Variants in ACACB observed in about 807,000 individuals in gnomAD.
ACACB encodes acetyl-CoA carboxylase 2.
Under a neutral mutation model 278.8 loss-of-function variants are expected in ACACB, and 209 were observed. That is an observed-to-expected ratio of 0.75 (90% confidence interval 0.67 to 0.84). The LOEUF (loss-of-function observed/expected upper bound fraction) is 0.84, where lower values mean the gene tolerates loss of function less well. Ranked by LOEUF, ACACB falls within the 40% of genes least tolerant of loss-of-function variation. ACACB has a pLI of 0.00. For missense variants in ACACB, 2,850 were observed against 3,269.0 expected (o/e 0.87, Z 3.13); for synonymous variants, 1,174 against 1,285.6 (o/e 0.91, Z 1.86).
rs1487862492 is a variant in ACACB, at chr12:109,139,401, T to C, written c.-5T>C. On this transcript the variant is annotated 5_prime_UTR_variant, in exon 2 of 53. Coordinates refer to ENST00000338432, the MANE Select transcript of ACACB (RefSeq NM_001093.4). Reference sequence around the variant, plus strand: ...TCTCTCCTTTTCTCCTTACAGATTTTCTGAATGGTCTTGCTTCTTTGTCTA... The same window carrying C: ...TCTCTCCTTTTCTCCTTACAGATTTCCTGAATGGTCTTGCTTCTTTGTCTA... The C allele has an allele frequency of 1.9e-6, 3 of 1,605,382 alleles. No individual in the cohort carries two copies. The highest frequency in any genetic ancestry group is 2.6e-6 in the Non-Finnish European group (3 of 1,175,360).
In ACACB at chr12:109,237,347, C is replaced by T. The variant is rs201539934; in HGVS notation, c.4629C>T (p.Arg1543=). ...VEVTDHRFFI[R]AIIRHSDLIT... is the part of the protein sequence containing the mutation. ...TGACGGACCATAGGTTCTTCATCCGCGCCATCATCAGGCACTCTGACCTGA... is the reference window on the plus strand; with the variant it reads ...TGACGGACCATAGGTTCTTCATCCGTGCCATCATCAGGCACTCTGACCTGA... The change falls in exon 34 of 53, where the codon CGC becomes CGT. Residue 1543 remains arginine, a synonymous_variant. Coordinates refer to ENST00000338432, the MANE Select transcript of ACACB (RefSeq NM_001093.4). 4.3e-6 allele frequency: 7 copies of T among 1,614,184 alleles called. No individual in the cohort carries two copies. The highest frequency in any genetic ancestry group is 2.2e-5 in the East Asian group (1 of 44,888).
chr12:109,194,513 T>TGC (rs2045033224), intron 16 of ACACB, among the ~76,000 whole-genome samples: 1 of 17,166 alleles, frequency 5.8e-5, no homozygotes, highest in African/African-American at 3.1e-4. Context: ...TGTGTGTGCA[T>TGC]GTGTGTGTGT....
intron 46 of ACACB, among the ~76,000 whole-genome samples, chr12:109,258,689 G>A (rs1210866007): frequency 3.3e-5 from 5 of 152,208 alleles, no homozygotes; most frequent in South Asian, 2.1e-4. Context: ...AGAGGGCTGG[G>A]TTCCAGGGCC....
chr12:109,171,013 A>ATTTTTTT (rs59371391), intron 4 of ACACB, among the ~76,000 whole-genome samples: 9 of 106,530 alleles, frequency 8.4e-5, no homozygotes, highest in Non-Finnish European at 1.3e-4. Context: ...CTTTTTTTGG[A>ATTTTTTT]TTTTTTTTTT....
At position 109,239,856 on chromosome 12, in the gene ACACB, C is replaced by G; in HGVS notation, c.4689C>G (p.Asn1563Lys). 6.2e-7 allele frequency: 1 copy of G among 1,613,834 alleles called. No individual in the cohort carries two copies. The highest frequency in any genetic ancestry group is 8.5e-7 in the Non-Finnish European group (1 of 1,179,856). Residue 1563 changes from asparagine to lysine, a missense_variant, in exon 35 of 53, where the codon AAC becomes AAG. Asn to Lys is a moderately conservative substitution (Grantham distance 94). Coordinates refer to ENST00000338432, the MANE Select transcript of ACACB (RefSeq NM_001093.4). ...AAGCCTCCTTCGAATACCTGCAGAA[C>G]GAGGGTGAGCGGCTGCTCCTGGAGG... ...TKEASFEYLQ[N>K]EGERLLLEAM...
chr12:109,187,485 G>A (rs2044704942), intron 12 of ACACB, among the ~76,000 whole-genome samples: 1 of 150,428 alleles, frequency 6.6e-6, no homozygotes, highest in Non-Finnish European at 1.5e-5. Context: ...ATTTGAGACA[G>A]GTTCTTGCTC....
At chr12:109,120,330 G>A (rs1232812694) in intron 1 of ACACB, among the ~76,000 whole-genome samples, 1 of 152,206 alleles carries the variant, frequency 6.6e-6, no homozygotes, top group Non-Finnish European at 1.5e-5. Context: ...TCCAAGATGT[G>A]ACATTGGGAT....
chr12:109,166,949 G>T lies in ACACB; in HGVS notation c.742G>T (p.Ala248Ser), dbSNP rs781314104. 1 of 1,613,984 alleles carries T rather than the reference G, an allele frequency of 6.2e-7. No homozygotes were observed. The highest frequency in any genetic ancestry group is 8.5e-7 in the Non-Finnish European group (1 of 1,180,004). ...LHRDFTVASP[A>S]EFVTRFGGDR... Reference sequence around the variant, plus strand: ...CAGAGACTTTACCGTGGCTTCTCCCGCTGAGTTTGTCACACGCTTTGGGGG... The same window carrying T: ...CAGAGACTTTACCGTGGCTTCTCCCTCTGAGTTTGTCACACGCTTTGGGGG... Residue 248 changes from alanine to serine, a missense_variant, in exon 3 of 53, where the codon GCT becomes TCT. Coordinates refer to ENST00000338432, the MANE Select transcript of ACACB (RefSeq NM_001093.4).
At position 109,159,774 on chromosome 12, in the gene ACACB, C is replaced by T. The variant is rs77143285; in HGVS notation, c.654-7087C>T. ...AAAGATGTCTCCAGGTATTGCTCCC[C>T]GGGGAGCAAAATTTCCCCCAGTTAA... On this transcript the variant is annotated intron_variant, in intron 2 of 52. Coordinates refer to ENST00000338432, the MANE Select transcript of ACACB (RefSeq NM_001093.4). 7.3e-3 allele frequency among the ~76,000 whole-genome samples: 1,107 copies of T among 151,910 alleles called. 14 individuals carry two copies. The highest frequency in any genetic ancestry group is 0.025 in the African/African-American group (1,049 of 41,400).
intron 21 of ACACB, 32 bp from the exon 22 acceptor site, chr12:109,212,804 A>C: frequency 6.3e-7 from 1 of 1,581,012 alleles, no homozygotes; most frequent in Non-Finnish European, 8.7e-7. Context: ...CTGAATCATC[A>C]GCAGTCAGAC....
chr12:109,146,364 G>T (rs533875411), intron 2 of ACACB, among the ~76,000 whole-genome samples: 19 of 152,336 alleles, frequency 1.2e-4, no homozygotes, highest in South Asian at 1.0e-3. Context: ...TTCCTGCCAG[G>T]CCAGTAGCTG....
At chr12:109,172,845 C>T (rs995052200) in intron 6 of ACACB, among the ~76,000 whole-genome samples, 11 of 152,174 alleles carry the variant, frequency 7.2e-5, no homozygotes, top group African/African-American at 2.4e-4. Flanking sequence ...TAAAATCATT[C>T]GACCATAAAG....
rs376035720 is a variant in ACACB, at chr12:109,179,927, G to A, written c.1658G>A (p.Arg553His). The change falls in exon 11 of 53, where the codon CGC becomes CAC. Residue 553 changes from arginine to histidine, a missense_variant. By Grantham distance (29) the Arg-to-His change is conservative. Coordinates refer to ENST00000338432, the MANE Select transcript of ACACB (RefSeq NM_001093.4). ...TCTGTTTCTTCACAGTGTGCCATCC[G>A]CCTGGCCAAGACCGTGGGCTATGTG... The part of the protein sequence containing the change: ...IFEFMEQCAI[R>H]LAKTVGYVSA... 3.9e-5 allele frequency: 63 copies of A among 1,603,228 alleles called. No individual in the cohort carries two copies. Among genetic ancestry groups the A allele is most frequent in the Non-Finnish European group, 4.9e-5 (57 of 1,171,168 alleles).
chr12:109,222,470 G>A (rs2046198227), intron 24 of ACACB, 37 bp from the exon 25 acceptor site: 1 of 1,593,812 alleles, frequency 6.3e-7, no homozygotes, highest in Non-Finnish European at 8.6e-7. Context: ...CCCTGGGCTG[G>A]AGAAAAGCCA....
At chr12:109,178,442 A>G (rs1242783180) in intron 9 of ACACB, among the ~76,000 whole-genome samples, 2 of 152,218 alleles carry the variant, frequency 1.3e-5, no homozygotes, top group African/African-American at 4.8e-5. Context: ...ATTTTCATTC[A>G]AAGAAACTTT....
At chr12:109,214,154 C>G (rs930803890) in intron 22 of ACACB, among the ~76,000 whole-genome samples, 1 of 151,904 alleles carries the variant, frequency 6.6e-6, no homozygotes, top group Non-Finnish European at 1.5e-5. Flanking sequence ...CCCAGCTACT[C>G]AGGAGGCTGA....
intron 21 of ACACB, among the ~76,000 whole-genome samples, chr12:109,211,178 A>C (rs1047325882): frequency 1.3e-5 from 2 of 151,682 alleles, no homozygotes; most frequent in African/African-American, 4.8e-5. Flanking sequence ...GGGAAACCAG[A>C]GGACAGTGTA....
intron 27 of ACACB, among the ~76,000 whole-genome samples, chr12:109,226,951 C>CT (rs549163206): frequency 3.5e-4 from 51 of 144,260 alleles, no homozygotes; most frequent in East Asian, 4.0e-4. Context: ...GCTTAGAAAT[C>CT]TTTTTTTTTT....
intron 37 of ACACB, among the ~76,000 whole-genome samples, chr12:109,245,416 A>G (rs2046912414): frequency 6.6e-6 from 1 of 152,178 alleles, no homozygotes; most frequent in South Asian, 2.1e-4. Flanking sequence ...TTCTTTCAAA[A>G]ACTTTAAACA....
Sources: allele counts gnomAD v4.1 joint callset (sites outside exome capture counted in the v4.1 genomes callset), GRCh38; gene constraint gnomAD v4.1.1; transcripts MANE v1.5; gene names NCBI Gene and HGNC (gene_info 2026-07-23, HGNC 2026-07-21).